CHD6: variants seen among roughly 807,000 people sequenced by gnomAD.
CHD6 encodes ATP-dependent chromatin remodeler CHD6.
In CHD6, 50 loss-of-function variants were observed where a neutral mutation model predicts 276.9. The observed-to-expected ratio is 0.18, with a 90% CI of 0.14 to 0.23. The LOEUF is 0.23. CHD6 is among the 10% of genes least tolerant of loss of function. CHD6 has a pLI of 1.00. For missense variants in CHD6, 2,564 were observed against 3,365.8 expected (o/e 0.76, Z 5.89); for synonymous variants, 1,173 against 1,229.3 (o/e 0.95, Z 0.96).
chr20:41,553,144 T>A (rs2045170845), intron 1 of CHD6, among the ~76,000 whole-genome samples: 1 of 152,182 alleles, frequency 6.6e-6, no homozygotes, highest in African/African-American at 2.4e-5. Flanking sequence ...CCCAGAAAAC[T>A]GACATTCTTA....
intron 3 of CHD6, among the ~76,000 whole-genome samples, chr20:41,523,650 GT>G (rs200892102): frequency 3.3e-4 from 47 of 141,070 alleles, no homozygotes; most frequent in South Asian, 4.5e-4. Context: ...TTTGTTTTTT[GT>G]TTTTTTTTTT....
At chr20:41,602,034 C>T (rs182004961) in intron 1 of CHD6, among the ~76,000 whole-genome samples, 1 of 152,314 alleles carries the variant, frequency 6.6e-6, no homozygotes, top group East Asian at 1.9e-4. Context: ...CAAAGCTACA[C>T]TGCATTCTTT....
chr20:41,461,214 T>C (rs1600916535), intron 17 of CHD6, among the ~76,000 whole-genome samples: 2 of 152,224 alleles, frequency 1.3e-5, no homozygotes, highest in East Asian at 3.8e-4. Context: ...AGAAGGGACT[T>C]GCCTTGTCTC....
intron 1 of CHD6, among the ~76,000 whole-genome samples, chr20:41,594,441 G>A (rs951351339): frequency 6.6e-6 from 1 of 152,178 alleles, no homozygotes; most frequent in African/African-American, 2.4e-5. Flanking sequence ...CTCCACATCT[G>A]TGCACGAGCT....
rs560879368 is a variant in CHD6, at chr20:41,487,825, T to C, written c.1858-17A>G. On this transcript the variant is annotated splice_polypyrimidine_tract_variant and intron_variant, in intron 13 of 36. Coordinates refer to ENST00000373233, the MANE Select transcript of CHD6 (RefSeq NM_032221.5). Reference sequence around the variant, plus strand: ...TTTATGTTCCTGCGCAAATTAAACATACATGATGGACAGTGCTTGAGCCAT... The same window carrying C: ...TTTATGTTCCTGCGCAAATTAAACACACATGATGGACAGTGCTTGAGCCAT... 20 of 1,606,788 alleles carry C rather than the reference T, an allele frequency of 1.2e-5. No individual in the cohort carries two copies. In the African/African-American group the frequency reaches 2.0e-4, roughly 16 times the overall value.
chr20:41,457,666 G>A (rs1411896851), intron 17 of CHD6, among the ~76,000 whole-genome samples: 3 of 152,202 alleles, frequency 2.0e-5, no homozygotes, highest in African/African-American at 7.2e-5. Flanking sequence ...GCAATGAGAA[G>A]GACATGGTGT....
In CHD6 at chr20:41,618,089, G is replaced by A. The variant is rs1473831799; in HGVS notation, c.-24+251C>T. On this transcript the variant is annotated intron_variant, in intron 1 of 36. Transcript: ENST00000373233. ...CCGAGCGAAAGCGGGAGCGGGAGCA[G>A]TAGCCTGGCGTGGCAGAGGCCGCCC... 2.0e-5 allele frequency among the ~76,000 whole-genome samples: 3 copies of A among 149,128 alleles called. No individual in the cohort carries two copies. The South Asian group carries it at 6.2e-4, about 31-fold the overall frequency.
intron 1 of CHD6, among the ~76,000 whole-genome samples, chr20:41,607,819 G>GTTTA (rs2045846010): frequency 6.6e-6 from 1 of 150,416 alleles, no homozygotes; most frequent in Non-Finnish European, 1.5e-5. Flanking sequence ...TAAAGCAAAG[G>GTTTA]TTTACTTGCT....
rs1198166042 is a variant in CHD6 at position 41,405,444 on chromosome 20, T to C, written c.7297A>G (p.Ile2433Val). ...CTGCGGGGGCCCGTATCTCGAAGAA[T>C]AGGCTCAGCCAGAGTGTGATTGAAC... ...NKFNHTLAEP[I>V]LRDTGPRRRG... The change falls in exon 37 of 37, where the codon ATT (isoleucine) becomes GTT (valine). Residue 2433 changes from isoleucine (I) to valine (V), a missense_variant. Ile to Val is a conservative substitution (Grantham distance 29). Transcript: ENST00000373233. 3 of 1,600,866 alleles carry C rather than the reference T, an allele frequency of 1.9e-6. No individual in the cohort carries two copies. The highest frequency in any genetic ancestry group is 2.7e-5 in the African/African-American group (2 of 74,524).
chr20:41,595,908 G>C (rs981811681), intron 1 of CHD6, among the ~76,000 whole-genome samples: 3 of 152,008 alleles, frequency 2.0e-5, no homozygotes, highest in African/African-American at 7.2e-5. Context: ...ACTATGCCCT[G>C]TGCTGGCGGC....
intron 1 of CHD6, among the ~76,000 whole-genome samples, chr20:41,594,320 T>C (rs1379207286): frequency 6.6e-6 from 1 of 152,222 alleles, no homozygotes; most frequent in African/African-American, 2.4e-5. Context: ...TATATGACAA[T>C]GTTTTCCTCA....
chr20:41,579,108 C>G (rs997281098), intron 1 of CHD6, among the ~76,000 whole-genome samples: 4 of 111,334 alleles, frequency 3.6e-5, no homozygotes, highest in African/African-American at 1.5e-4. Flanking sequence ...CCAGCCTGGG[C>G]AACAGAACGA....
Position 41,484,571 on chromosome 20 carries a change from G to A in CHD6, c.2038C>T (p.Leu680Phe). The change falls in exon 15 of 37, where the codon CTT (leucine) becomes TTT (phenylalanine). Residue 680 changes from leucine (L) to phenylalanine (F), a missense_variant. This residue lies in a region of CHD6 where 457 missense variants were observed against 889.0 expected (regional missense o/e 0.51). Coordinates refer to ENST00000373233, the MANE Select transcript of CHD6 (RefSeq NM_032221.5). ...KLQSILKPMM[L>F]RRLKDDVEKN... is the part of the protein sequence containing the mutation. ...TCCACATCATCTTTCAGCCGCCGAA[G>A]CATCATTGGTTTTAGGATAGACTGC... is the stretch of plus-strand genomic sequence containing the variant. The A allele has an allele frequency of 6.2e-7, 1 of 1,613,792 alleles. No homozygotes were observed. Among genetic ancestry groups the A allele is most frequent in the Non-Finnish European group, 8.5e-7 (1 of 1,179,800 alleles).
At chr20:41,568,093 A>T (rs1285258492) in intron 1 of CHD6, among the ~76,000 whole-genome samples, 2 of 152,272 alleles carry the variant, frequency 1.3e-5, no homozygotes, top group Non-Finnish European at 2.9e-5. Flanking sequence ...AAGCAATTAA[A>T]ATAGCTTGAT....
chr20:41,504,848 T>C (rs1372762554), intron 5 of CHD6, among the ~76,000 whole-genome samples: 2 of 152,224 alleles, frequency 1.3e-5, no homozygotes, highest in African/African-American at 2.4e-5. Context: ...TCCAGCCTCT[T>C]TGAATGTCTA....
intron 23 of CHD6, among the ~76,000 whole-genome samples, chr20:41,448,964 C>T (rs1052702437): frequency 1.3e-5 from 2 of 151,076 alleles, no homozygotes; most frequent in African/African-American, 4.9e-5. Flanking sequence ...TGCAATGGCG[C>T]GATCTTGGCT....
chr20:41,544,078 A>G (rs1489911730), intron 2 of CHD6, among the ~76,000 whole-genome samples: 1 of 152,084 alleles, frequency 6.6e-6, no homozygotes, highest in South Asian at 2.1e-4. Flanking sequence ...TGTCTCTACT[A>G]AAATACAAAA....
chr20:41,586,708 C>T (rs1031631615), intron 1 of CHD6, among the ~76,000 whole-genome samples: 2 of 152,230 alleles, frequency 1.3e-5, no homozygotes, highest in Middle Eastern at 3.4e-3. Flanking sequence ...TATAATTCAC[C>T]GTATCAACAG....
chr20:41,555,041 G>A (rs1265380441), intron 1 of CHD6, among the ~76,000 whole-genome samples: 3 of 148,452 alleles, frequency 2.0e-5, no homozygotes, highest in East Asian at 2.1e-4. Context: ...CGGACGGGGC[G>A]GCTGGCCGGG....
Sources: allele counts gnomAD v4.1 joint callset (sites outside exome capture counted in the v4.1 genomes callset), GRCh38; gene constraint gnomAD v4.1.1; regional missense constraint gnomAD v4.1.1; transcripts MANE v1.5; gene names NCBI Gene and HGNC (gene_info 2026-07-23, HGNC 2026-07-21).